Variants in BMP2K observed in about 807,000 individuals in gnomAD.
The protein encoded by BMP2K is BMP2 inducible kinase.
A neutral mutation model predicts 116.0 loss-of-function variants in BMP2K; 74 were observed. The observed-to-expected ratio is 0.64, with a 90% confidence interval of 0.53 to 0.77. The LOEUF (loss-of-function observed/expected upper bound fraction) is 0.77, where lower values mean the gene tolerates loss of function less well. Among genes scored for constraint, BMP2K ranks in the 30% least tolerant of loss-of-function variants. The pLI is 0.00. For missense variants in BMP2K, 1,365 were observed against 1,403.6 expected, an observed-to-expected ratio of 0.97 and a Z score of 0.44; for synonymous variants, 486 against 502.5, an observed-to-expected ratio of 0.97 and a Z score of 0.44.
At chr4:78,786,121 C>T (rs1717576700) in intron 1 of BMP2K, among the ~76,000 whole-genome samples, 1 of 152,098 alleles carries the variant, frequency 6.6e-6, no homozygotes, top group African/African-American at 2.4e-5. Context: ...GTGACTCCTC[C>T]CGCAATTCAT....
chr4:78,911,124 C>T lies in BMP2K; in HGVS notation c.2577C>T (p.Gly859=), dbSNP rs777700952. The T allele has an allele frequency of 8.7e-6, 14 of 1,613,944 alleles. No individual in the cohort carries two copies. Among genetic ancestry groups the T allele is most frequent in the East Asian group, 2.2e-5 (1 of 44,866 alleles). The change falls in exon 16 of 16, where the codon GGC becomes GGT. Residue 859 remains glycine (G), a synonymous_variant. Coordinates refer to ENST00000502613, the MANE Select transcript of BMP2K (RefSeq NM_198892.2). ...ETPKQEFDVF[G]AVPFFAVRAQ... ...CCAAACAGGAGTTTGATGTATTTGG[C>T]GCTGTCCCCTTCTTTGCAGTGCGTG...
chr4:78,813,831 T>C (rs560681927), intron 1 of BMP2K, among the ~76,000 whole-genome samples: 2 of 152,230 alleles, frequency 1.3e-5, no homozygotes, highest in African/African-American at 4.8e-5. Flanking sequence ...TTGTCTTCTA[T>C]GTACTGTATA....
chr4:78,822,049 A>G (rs1197082925), intron 1 of BMP2K, among the ~76,000 whole-genome samples: 1 of 152,218 alleles, frequency 6.6e-6, no homozygotes, highest in African/African-American at 2.4e-5. Context: ...GAGACTTGGC[A>G]TCTCTAGAGC....
intron 14 of BMP2K, chr4:78,879,437 C>G (rs1732792948): frequency 2.0e-6 from 2 of 983,142 alleles, no homozygotes; most frequent in Non-Finnish European, 2.4e-6. Context: ...CACTTTAAAT[C>G]AGATATCTCA....
intron 1 of BMP2K, among the ~76,000 whole-genome samples, chr4:78,808,846 A>G (rs532266105): frequency 6.7e-4 from 102 of 152,206 alleles, no homozygotes; most frequent in African/African-American, 2.4e-3. Context: ...GTCTTTTTAA[A>G]TTTATGGAGG....
At chr4:78,880,519 A>G (rs1732844430) in intron 14 of BMP2K, among the ~76,000 whole-genome samples, 1 of 152,218 alleles carries the variant, frequency 6.6e-6, no homozygotes, top group African/African-American at 2.4e-5. Flanking sequence ...GTAAAAAATT[A>G]TTTTTAAAAA....
At chr4:78,835,668 T>A (rs1730443704) in intron 3 of BMP2K, among the ~76,000 whole-genome samples, 1 of 151,380 alleles carries the variant, frequency 6.6e-6, no homozygotes, top group African/African-American at 2.4e-5. Context: ...TCTTAAGCTG[T>A]GGCTGAATCA....
At chr4:78,862,175 A>G (rs902163344) in intron 9 of BMP2K, among the ~76,000 whole-genome samples, 2 of 152,102 alleles carry the variant, frequency 1.3e-5, no homozygotes, top group African/African-American at 4.8e-5. Flanking sequence ...TTTACACAAT[A>G]CAAAAATATA....
At chr4:78,851,123 C>G (rs1718239557) in intron 7 of BMP2K, 67 bp downstream of exon 7, 2 of 1,349,640 alleles carry the variant, frequency 1.5e-6, no homozygotes, top group Admixed American at 5.4e-5. Context: ...TATTTACATT[C>G]CTTTACTTAA....
At chr4:78,789,656 T>G (rs1346440180) in intron 1 of BMP2K, among the ~76,000 whole-genome samples, 1 of 152,254 alleles carries the variant, frequency 6.6e-6, no homozygotes, top group Non-Finnish European at 1.5e-5. Context: ...TTACAGTTAC[T>G]TGAGCTAAGA....
intron 15 of BMP2K, among the ~76,000 whole-genome samples, chr4:78,907,071 C>A (rs1258602205): frequency 6.6e-6 from 1 of 151,726 alleles, no homozygotes; most frequent in Non-Finnish European, 1.5e-5. Context: ...ATCTAAAATG[C>A]CGAAAAACTA....
intron 15 of BMP2K, among the ~76,000 whole-genome samples, chr4:78,908,675 A>C (rs559763877): frequency 6.6e-6 from 1 of 152,184 alleles, no homozygotes; most frequent in Non-Finnish European, 1.5e-5. Flanking sequence ...TGTCTCACAC[A>C]TATGTCAAGC....
chr4:78,828,914 G>T (rs1386059678), intron 2 of BMP2K, among the ~76,000 whole-genome samples: 1 of 152,214 alleles, frequency 6.6e-6, no homozygotes, highest in Non-Finnish European at 1.5e-5. Context: ...CGGGGTAGCT[G>T]TGGAAGTTTC....
intron 15 of BMP2K, among the ~76,000 whole-genome samples, chr4:78,896,248 A>C (rs547856941): frequency 2.0e-5 from 3 of 152,326 alleles, no homozygotes; most frequent in South Asian, 2.1e-4. Context: ...CAAACTATCA[A>C]ATTTTGGCAG....
Position 78,878,557 on chromosome 4 carries a change from T to C in BMP2K, c.1794-177T>C, listed in dbSNP as rs75038348. Among the ~76,000 whole-genome samples, 682 of 152,248 alleles carry C rather than the reference T, an allele frequency of 4.5e-3. 2 individuals are homozygous for C. Among genetic ancestry groups the C allele is most frequent in the African/African-American group, 0.016 (645 of 41,548 alleles). Reference sequence around the variant, plus strand: ...ATGGAGCTAGTATACCTTATGGAGGTGATCTAGATCCCATATGTTCTCCCT... The same window carrying C: ...ATGGAGCTAGTATACCTTATGGAGGCGATCTAGATCCCATATGTTCTCCCT... On this transcript the variant is annotated intron_variant, in intron 13 of 15. Coordinates refer to ENST00000502613, the MANE Select transcript of BMP2K (RefSeq NM_198892.2).
chr4:78,912,162 C>G lies in BMP2K; in HGVS notation c.*129C>G, dbSNP rs571043194. On this transcript the variant is annotated 3_prime_UTR_variant, in exon 16 of 16. Transcript: ENST00000502613. ...AAAGATCAGTCAGAATAGGTGATTT[C>G]TAAATAAACCAAATAGAAGAATGAA... The G allele has an allele frequency of 1.3e-5, 11 of 820,728 alleles. No homozygotes were observed. In the East Asian group the frequency reaches 2.8e-4, roughly 21 times the overall value. The allele number at this position is 820,728 out of a possible 1,614,324, so 50.8% of individuals were successfully genotyped here.
intron 3 of BMP2K, among the ~76,000 whole-genome samples, chr4:78,842,087 A>G (rs1350343415): frequency 1.3e-5 from 2 of 152,084 alleles, no homozygotes; most frequent in Admixed American, 6.6e-5. Context: ...ATGGTGTTAA[A>G]TAGCTATTTC....
At chr4:78,850,895 A>G (rs2110033046) in intron 6 of BMP2K, 29 bp from the exon 7 acceptor site, 1 of 1,605,574 alleles carries the variant, frequency 6.2e-7, no homozygotes, top group South Asian at 1.1e-5. Context: ...CTTGAGCTCT[A>G]ATGATATTTA....
At position 78,826,101 on chromosome 4, in the gene BMP2K, G is replaced by C; in HGVS notation, c.243G>C (p.Met81Ile). The change falls in exon 2 of 16, where the codon ATG (methionine) becomes ATC (isoleucine). Residue 81 changes from methionine (M) to isoleucine (I), a missense_variant. This residue lies in a region of BMP2K where 762 missense variants were observed against 756.7 expected (regional missense o/e 1.01). Coordinates refer to ENST00000502613, the MANE Select transcript of BMP2K (RefSeq NM_198892.2). Reference protein sequence around the residue: ...HGGIRCALKRMYVNNMPDLNV... With the variant: ...HGGIRCALKRIYVNNMPDLNV... ...GAATCCGATGTGCATTGAAGCGAAT[G>C]TATGTCAATAACATGCCAGACCTCA... The C allele has an allele frequency of 6.2e-7, 1 of 1,614,138 alleles. No individual in the cohort carries two copies. The highest frequency in any genetic ancestry group is 8.5e-7 in the Non-Finnish European group (1 of 1,180,000).
Sources: gnomAD v4.1 joint callset for allele counts (sites outside exome capture counted in the v4.1 genomes callset) on GRCh38, gnomAD v4.1.1 for gene constraint, gnomAD v4.1.1 regional missense constraint, MANE v1.5 for transcripts, NCBI Gene and HGNC (gene_info 2026-07-23, HGNC 2026-07-21) for gene names.